EDIL3: variants seen among roughly 807,000 people sequenced by gnomAD.
EDIL3 encodes the protein EGF like and discoidin domains 3.
Under a neutral mutation model 67.4 loss-of-function variants are expected in EDIL3, and 37 were observed. The observed-to-expected ratio is 0.55, with a 90% CI of 0.42 to 0.72. The LOEUF (loss-of-function observed/expected upper bound fraction) is 0.72. EDIL3 is among the 30% of genes least tolerant of loss of function. EDIL3 has a pLI of 0.00. For synonymous variants in EDIL3, 195 were observed against 196.3 expected, an observed-to-expected ratio of 0.99 and a Z score of 0.05; for missense variants, 527 against 586.3, an observed-to-expected ratio of 0.90 and a Z score of 1.04.
intron 1 of EDIL3, among the ~76,000 whole-genome samples, chr5:84,280,833 A>G (rs899524059): frequency 6.6e-6 from 1 of 151,456 alleles, no homozygotes; most frequent in African/African-American, 2.4e-5. Context: ...AGTCCCATCT[A>G]CACAGGAGGA....
chr5:84,244,311 T>G (rs1387605147), intron 2 of EDIL3, among the ~76,000 whole-genome samples: 2 of 152,152 alleles, frequency 1.3e-5, no homozygotes, highest in Non-Finnish European at 2.9e-5. Context: ...TGAAGCAGTC[T>G]CTCTCTTTTG....
chr5:84,317,440 T>C (rs1746537718), intron 1 of EDIL3, among the ~76,000 whole-genome samples: 1 of 151,896 alleles, frequency 6.6e-6, no homozygotes, highest in African/African-American at 2.4e-5. Context: ...TTACCACTGA[T>C]CCCACAGAAA....
intron 3 of EDIL3, among the ~76,000 whole-genome samples, chr5:84,188,244 C>G (rs1580368068): frequency 1.3e-5 from 2 of 152,048 alleles, no homozygotes; most frequent in East Asian, 3.9e-4. Context: ...ATGCCACAAA[C>G]ATGGTAGTTT....
chr5:84,093,228 A>G (rs1437694367), intron 6 of EDIL3, among the ~76,000 whole-genome samples: 1 of 151,478 alleles, frequency 6.6e-6, no homozygotes, highest in Non-Finnish European at 1.5e-5. Flanking sequence ...TCTATTAGTC[A>G]ATTACTGACA....
At position 84,075,074 on chromosome 5, in the gene EDIL3, T is replaced by A. The variant is rs56969690; in HGVS notation, c.652-8468A>T. Among the ~76,000 whole-genome samples, 1,172 of 152,236 alleles carry A rather than the reference T, an allele frequency of 7.7e-3. 15 individuals carry two copies. Among genetic ancestry groups the A allele is most frequent in the African/African-American group, 0.027 (1,127 of 41,548 alleles). ...GGGACATGGATGAAATTGGAAATTA[T>A]CATTCTCAGCAAACTATCGCAAGGA... is the stretch of plus-strand genomic sequence containing the variant. On this transcript the variant is annotated intron_variant, in intron 6 of 10. Transcript: ENST00000296591.
intron 5 of EDIL3, among the ~76,000 whole-genome samples, chr5:84,126,649 T>C (rs1394475658): frequency 6.6e-6 from 1 of 152,106 alleles, no homozygotes; most frequent in Non-Finnish European, 1.5e-5. Context: ...ACACTATGAT[T>C]GGTTGTTGCC....
chr5:84,242,277 T>G (rs1744813290), intron 2 of EDIL3, among the ~76,000 whole-genome samples: 1 of 151,906 alleles, frequency 6.6e-6, no homozygotes, highest in African/African-American at 2.4e-5. Context: ...GTTGGTACTG[T>G]TAACCCCAGT....
At chr5:84,320,687 C>A (rs1269287538) in intron 1 of EDIL3, among the ~76,000 whole-genome samples, 1 of 151,148 alleles carries the variant, frequency 6.6e-6, no homozygotes, top group African/African-American at 2.4e-5. Context: ...TTCCTCCATA[C>A]AGATAGTATA....
chr5:84,077,645 G>A (rs1398888190), intron 6 of EDIL3, among the ~76,000 whole-genome samples: 1 of 151,970 alleles, frequency 6.6e-6, no homozygotes, highest in African/African-American at 2.4e-5. Flanking sequence ...CTGTCCCCAT[G>A]ATTCAATTAC....
intron 1 of EDIL3, among the ~76,000 whole-genome samples, chr5:84,277,189 T>G (rs1054699915): frequency 1.3e-5 from 2 of 152,144 alleles, no homozygotes; most frequent in South Asian, 4.1e-4. Flanking sequence ...TGTTGAAATT[T>G]TAACCCCCAA....
intron 1 of EDIL3, among the ~76,000 whole-genome samples, chr5:84,273,693 C>T (rs1043803356): frequency 3.9e-5 from 6 of 152,128 alleles, no homozygotes; most frequent in African/African-American, 1.4e-4. Flanking sequence ...GCAAATGTCC[C>T]TTTTAATGTC....
At chr5:84,054,422 C>T (rs1746403591) in intron 9 of EDIL3, among the ~76,000 whole-genome samples, 1 of 152,166 alleles carries the variant, frequency 6.6e-6, no homozygotes, top group South Asian at 2.1e-4. Context: ...CCTCTCTCAC[C>T]ACTCCTATTC....
chr5:83,970,022 T>C (rs1388383961), intron 9 of EDIL3, among the ~76,000 whole-genome samples: 2 of 151,598 alleles, frequency 1.3e-5, no homozygotes, highest in Non-Finnish European at 3.0e-5. Context: ...ATTTCCTTTA[T>C]CAAATCTCTA....
chr5:84,066,427 T>C, intron 7 of EDIL3, 24 bp downstream of exon 7: 1 of 1,564,768 alleles, frequency 6.4e-7, no homozygotes, highest in Non-Finnish European at 8.6e-7. Flanking sequence ...TTCTTTTAAA[T>C]TAAGTAGGTT....
intron 4 of EDIL3, among the ~76,000 whole-genome samples, chr5:84,140,428 C>T (rs1251525581): frequency 3.9e-5 from 6 of 152,104 alleles, no homozygotes; most frequent in Non-Finnish European, 5.9e-5. Flanking sequence ...GTCTTTACAC[C>T]GTAAGTAGTA....
At chr5:84,085,185 G>A (rs1202636823) in intron 6 of EDIL3, among the ~76,000 whole-genome samples, 2 of 152,108 alleles carry the variant, frequency 1.3e-5, no homozygotes, top group Non-Finnish European at 2.9e-5. Context: ...CTGTCAATTC[G>A]TCAATCTCAT....
intron 1 of EDIL3, among the ~76,000 whole-genome samples, chr5:84,311,561 T>C (rs1325019318): frequency 1.3e-5 from 2 of 151,978 alleles, no homozygotes; most frequent in African/African-American, 2.4e-5. Flanking sequence ...GTCCAGTTTT[T>C]TTTTTTATTT....
intron 1 of EDIL3, among the ~76,000 whole-genome samples, chr5:84,308,986 G>A (rs1338572249): frequency 6.6e-6 from 1 of 152,086 alleles, no homozygotes; most frequent in Non-Finnish European, 1.5e-5. Flanking sequence ...TATATTAAAG[G>A]ATACTGTCGA....
At chr5:84,274,269 T>C (rs2112099650) in intron 1 of EDIL3, among the ~76,000 whole-genome samples, 1 of 152,012 alleles carries the variant, frequency 6.6e-6, no homozygotes, top group South Asian at 2.1e-4. Flanking sequence ...GCCCAGATAA[T>C]TTTTAAATTT....
Sources: gnomAD v4.1 joint callset for allele counts (sites outside exome capture counted in the v4.1 genomes callset) on GRCh38, gnomAD v4.1.1 for gene constraint, MANE v1.5 for transcripts, NCBI Gene and HGNC (gene_info 2026-07-23, HGNC 2026-07-21) for gene names.